Variants in KAZN observed in about 807,000 individuals in gnomAD.
KAZN encodes the protein kazrin.
KAZN carries 40 observed loss-of-function variants against 87.4 expected under a neutral mutation model. The ratio of observed to expected loss-of-function variants is 0.46; its 90% CI spans 0.36 to 0.60. The LOEUF is 0.60. KAZN is among the 20% of genes least tolerant of loss of function. The pLI is 0.00. For missense variants in KAZN, 898 were observed against 1,073.9 expected (o/e 0.84, Z 2.29); for synonymous variants, 466 against 458.3 (o/e 1.02, Z -0.22).
In KAZN at chr1:15,066,932, C is replaced by G. The variant is rs1159384665; in HGVS notation, c.1222+1179C>G. 1.0e-6 allele frequency: 1 copy of G among 985,364 alleles called. No individual in the cohort carries two copies. Among genetic ancestry groups the G allele is most frequent in the East Asian group, 1.1e-4 (1 of 8,826 alleles). The allele number at this position is 985,364 out of a possible 1,614,324, so 61.0% of individuals were successfully genotyped here. A position where few individuals can be genotyped will look rare whatever the true frequency, so the allele number is the denominator to read the frequency against. Reference sequence around the variant, plus strand: ...ATTTATTTATCTGACATACAGAACACGACTTTAGTGAGCAGAGTGCTGACA... The same window carrying G: ...ATTTATTTATCTGACATACAGAACAGGACTTTAGTGAGCAGAGTGCTGACA... On this transcript the variant is annotated intron_variant, in intron 8 of 14. Coordinates refer to ENST00000376030, the MANE Select transcript of KAZN (RefSeq NM_201628.3). The surrounding 1 kb of genome is among the most constrained non-coding windows in gnomAD (Gnocchi z 4.3).
chr1:14,276,140 A>G (rs1652326155), intron 2 of KAZN, among the ~76,000 whole-genome samples: 1 of 150,232 alleles, frequency 6.7e-6, no homozygotes. Flanking sequence ...ACATTCATGG[A>G]GCATAGTGTT....
At chr1:14,862,046 A>T (rs1650916476) in intron 1 of KAZN, among the ~76,000 whole-genome samples, 1 of 152,202 alleles carries the variant, frequency 6.6e-6, no homozygotes, top group Non-Finnish European at 1.5e-5. Flanking sequence ...TTGTGTTGTC[A>T]GTCATTTGTA....
chr1:14,851,847 C>T (rs1185326748), intron 1 of KAZN, among the ~76,000 whole-genome samples: 2 of 152,198 alleles, frequency 1.3e-5, no homozygotes, highest in Non-Finnish European at 2.9e-5. Flanking sequence ...GTGTAGCGAT[C>T]GCTCCACTAA....
chr1:14,309,494 G>A (rs1235665806), intron 2 of KAZN, among the ~76,000 whole-genome samples: 2 of 152,170 alleles, frequency 1.3e-5, no homozygotes, highest in African/African-American at 4.8e-5. Context: ...AGGGGCCTTG[G>A]AGGCCACAGG....
chr1:14,109,492 A>G (rs1156584830), intron 1 of KAZN, among the ~76,000 whole-genome samples: 2 of 152,102 alleles, frequency 1.3e-5, no homozygotes, highest in African/African-American at 4.8e-5. Flanking sequence ...CTTAGTTTGA[A>G]GTTTCAGTAG....
intron 10 of KAZN, among the ~76,000 whole-genome samples, chr1:15,095,505 C>T (rs1009792940): frequency 9.9e-5 from 15 of 151,686 alleles, no homozygotes; most frequent in African/African-American, 3.1e-4. Flanking sequence ...TCATACCACT[C>T]CTGCTCTGCC....
At chr1:14,886,517 C>T (rs531445476) in intron 1 of KAZN, among the ~76,000 whole-genome samples, 4 of 152,104 alleles carry the variant, frequency 2.6e-5, no homozygotes, top group South Asian at 2.1e-4. Flanking sequence ...TATGGCCAGG[C>T]GTGGTGGCTC....
intron 2 of KAZN, among the ~76,000 whole-genome samples, chr1:14,517,059 CA>C (rs1671336669): frequency 6.6e-6 from 1 of 152,102 alleles, no homozygotes; most frequent in Non-Finnish European, 1.5e-5. Flanking sequence ...TGAACTGACC[CA>C]ACCCCTTGGA....
chr1:13,996,259 A>AC (rs1239160343), intron 1 of KAZN, among the ~76,000 whole-genome samples: 1 of 151,978 alleles, frequency 6.6e-6, no homozygotes, highest in Non-Finnish European at 1.5e-5. Flanking sequence ...TAGAGTCCCA[A>AC]CCCCCGAGCC....
intron 1 of KAZN, among the ~76,000 whole-genome samples, chr1:14,163,794 A>G (rs909109860): frequency 1.3e-5 from 2 of 152,172 alleles, no homozygotes; most frequent in Non-Finnish European, 2.9e-5. Context: ...CATCCAGCTT[A>G]TTCGATATAT....
intron 2 of KAZN, among the ~76,000 whole-genome samples, chr1:14,537,997 G>A (rs1672601022): frequency 6.6e-6 from 1 of 152,184 alleles, no homozygotes; most frequent in Non-Finnish European, 1.5e-5. Flanking sequence ...GCATCTTTGG[G>A]TGGGGACAAA....
chr1:14,405,752 A>C (rs756945240), intron 2 of KAZN, among the ~76,000 whole-genome samples: 21 of 152,130 alleles, frequency 1.4e-4, no homozygotes, highest in Non-Finnish European at 4.4e-5. Flanking sequence ...TGGAGACCCC[A>C]GAAAGCCCAT....
At chr1:14,285,490 C>A (rs1653175024) in intron 2 of KAZN, among the ~76,000 whole-genome samples, 1 of 152,196 alleles carries the variant, frequency 6.6e-6, no homozygotes, top group Non-Finnish European at 1.5e-5. Context: ...GGTGAGATAG[C>A]ATGTGGATCC....
At chr1:14,701,762 A>G (rs534089696) in intron 1 of KAZN, among the ~76,000 whole-genome samples, 53 of 152,302 alleles carry the variant, frequency 3.5e-4, no homozygotes, top group Admixed American at 2.2e-3. Flanking sequence ...GCGCCACTGC[A>G]TTCCAGCCAG....
intron 1 of KAZN, among the ~76,000 whole-genome samples, chr1:14,005,544 G>A (rs1640000096): frequency 6.6e-6 from 1 of 152,126 alleles, no homozygotes; most frequent in Admixed American, 6.6e-5. Context: ...AGACAGTTGG[G>A]TATGTCCGAA....
At chr1:14,849,718 G>T (rs899861278) in intron 1 of KAZN, among the ~76,000 whole-genome samples, 1 of 152,122 alleles carries the variant, frequency 6.6e-6, no homozygotes, top group East Asian at 1.9e-4. Context: ...GATCCCAGAG[G>T]GCATTCGCTT....
At chr1:14,360,234 C>T (rs1659389763) in intron 2 of KAZN, among the ~76,000 whole-genome samples, 1 of 152,108 alleles carries the variant, frequency 6.6e-6, no homozygotes, top group Admixed American at 6.5e-5. Flanking sequence ...ATCAATTCAG[C>T]TATTGATACT....
At chr1:14,415,478 T>G (rs982700324) in intron 2 of KAZN, among the ~76,000 whole-genome samples, 7 of 152,146 alleles carry the variant, frequency 4.6e-5, no homozygotes, top group Admixed American at 6.5e-5. Flanking sequence ...CCAGCTGATT[T>G]CCAACAAACA....
chr1:14,364,160 G>T (rs1000359120), intron 2 of KAZN, among the ~76,000 whole-genome samples: 14 of 152,072 alleles, frequency 9.2e-5, no homozygotes, highest in Admixed American at 7.9e-4. Context: ...GGCACTAACT[G>T]GTTGCACATG....
Sources: gnomAD v4.1 joint callset for allele counts (sites outside exome capture counted in the v4.1 genomes callset) on GRCh38, gnomAD v4.1.1 for gene constraint, Gnocchi (gnomAD v3.1) non-coding constraint, MANE v1.5 for transcripts, NCBI Gene and HGNC (gene_info 2026-07-23, HGNC 2026-07-21) for gene names.